The following DIP2C variants were observed in gnomAD, a reference collection of about 807,000 sequenced individuals.
The protein encoded by DIP2C is DIP2 acetate--CoA ligase C (putative).
A neutral mutation model predicts 192.4 loss-of-function variants in DIP2C; 33 were observed. That is an observed-to-expected ratio of 0.17 (90% CI 0.13 to 0.23). The LOEUF (loss-of-function observed/expected upper bound fraction) is 0.23. Ranked by LOEUF, DIP2C falls within the 10% of genes least tolerant of loss-of-function variation. DIP2C has a pLI of 1.00. For synonymous variants in DIP2C, 979 were observed against 864.1 expected (o/e 1.13, Z -2.33); for missense variants, 1,537 against 2,110.1 (o/e 0.73, Z 5.32).
At chr10:434,170 G>C (rs550081399) in intron 4 of DIP2C, among the ~76,000 whole-genome samples, 14 of 152,122 alleles carry the variant, frequency 9.2e-5, no homozygotes, top group Non-Finnish European at 1.8e-4. Context: ...TGTGTATATG[G>C]TATATACATA....
intron 14 of DIP2C, among the ~76,000 whole-genome samples, chr10:387,243 A>T (rs939732902): frequency 6.6e-6 from 1 of 152,176 alleles, no homozygotes; most frequent in African/African-American, 2.4e-5. Context: ...CTGTAACCTC[A>T]ATCCACGTGT....
intron 1 of DIP2C, among the ~76,000 whole-genome samples, chr10:624,586 G>A (rs910337098): frequency 6.6e-6 from 1 of 152,218 alleles, no homozygotes; most frequent in Admixed American, 6.5e-5. Context: ...GGGGGCCCGG[G>A]CAGCCCCTCT....
At chr10:343,243 C>G (rs186529557) in intron 28 of DIP2C, among the ~76,000 whole-genome samples, 3 of 152,298 alleles carry the variant, frequency 2.0e-5, no homozygotes, top group Middle Eastern at 3.4e-3. Context: ...GAGCTGAGAT[C>G]GCACCACTGC....
chr10:664,728 T>G (rs12267081), intron 1 of DIP2C: 175 of 152,336 alleles, frequency 1.1e-3, no homozygotes, highest in African/African-American at 4.1e-3. Flanking sequence ...TGAAATATTT[T>G]TGATATTTTA....
chr10:679,033 C>T (rs184482687), intron 1 of DIP2C, among the ~76,000 whole-genome samples: 6 of 13,500 alleles, frequency 4.4e-4, no homozygotes, highest in Admixed American at 1.2e-3. Context: ...CTGTCCTCCC[C>T]GCGCCCATGC....
At chr10:479,564 G>C (rs893461213) in intron 2 of DIP2C, among the ~76,000 whole-genome samples, 16 of 151,918 alleles carry the variant, frequency 1.1e-4, no homozygotes, top group African/African-American at 3.9e-4. Flanking sequence ...TTGAACTCTT[G>C]ACCTCATGAT....
At chr10:536,113 G>T (rs1317608373) in intron 1 of DIP2C, among the ~76,000 whole-genome samples, 1 of 152,106 alleles carries the variant, frequency 6.6e-6, no homozygotes. Context: ...CAAGGTGTGG[G>T]CAGGGCCGAG....
chr10:443,493 G>A (rs543084449), intron 3 of DIP2C, among the ~76,000 whole-genome samples: 18 of 152,242 alleles, frequency 1.2e-4, no homozygotes, highest in South Asian at 1.0e-3. Context: ...ACTAGGAACC[G>A]GGTGTGCTGT....
At chr10:403,751 C>T (rs528428137) in intron 9 of DIP2C, among the ~76,000 whole-genome samples, 225 of 150,950 alleles carry the variant, frequency 1.5e-3, no homozygotes, top group Admixed American at 0.014. Flanking sequence ...TTCATCAGCC[C>T]ATGAATCCTG....
chr10:578,786 C>A (rs902983319), intron 1 of DIP2C, among the ~76,000 whole-genome samples: 2 of 143,060 alleles, frequency 1.4e-5, no homozygotes, highest in Non-Finnish European at 2.9e-5. Context: ...AGTGTACAAG[C>A]ATAAGTGCAC....
intron 22 of DIP2C, among the ~76,000 whole-genome samples, chr10:360,610 G>T (rs1351168772): frequency 6.6e-6 from 1 of 152,216 alleles, no homozygotes; most frequent in Non-Finnish European, 1.5e-5. Context: ...GCCAGGCTCT[G>T]GCCTCAGCAG....
rs888264127 is a variant in DIP2C, at chr10:276,962, G to A, written c.*363C>T. On this transcript the variant is annotated 3_prime_UTR_variant, in exon 37 of 37. Coordinates refer to ENST00000280886, the MANE Select transcript of DIP2C (RefSeq NM_014974.3). ...AATTGTTTAAAAGAACCCATCTGGAGGGCAGGATATTTTTTTAATTGCTAT... is the reference window on the plus strand; with the variant it reads ...AATTGTTTAAAAGAACCCATCTGGAAGGCAGGATATTTTTTTAATTGCTAT... 9.3e-6 allele frequency: 2 copies of A among 215,284 alleles called. No individual in the cohort carries two copies. Among genetic ancestry groups the A allele is most frequent in the Non-Finnish European group, 1.9e-5 (2 of 106,512 alleles). The allele number at this position is 215,284 out of a possible 1,614,324, so 13.3% of individuals were successfully genotyped here.
chr10:483,131 G>C (rs1424423285), intron 2 of DIP2C, among the ~76,000 whole-genome samples: 4 of 152,204 alleles, frequency 2.6e-5, no homozygotes, highest in East Asian at 1.9e-4. Context: ...CTAGGGAACA[G>C]AACCCCCATT....
chr10:551,489 C>T (rs1176863291), intron 1 of DIP2C, among the ~76,000 whole-genome samples: 2 of 141,424 alleles, frequency 1.4e-5, no homozygotes, highest in Non-Finnish European at 3.0e-5. Context: ...CAGCTGGAAG[C>T]AGGATCCCAA....
At chr10:535,698 A>ACTGT (rs1847657404) in intron 1 of DIP2C, among the ~76,000 whole-genome samples, 2 of 152,160 alleles carry the variant, frequency 1.3e-5, no homozygotes, top group Admixed American at 6.5e-5. Flanking sequence ...GTCTGATCAT[A>ACTGT]AAAACTGTAT....
intron 3 of DIP2C, among the ~76,000 whole-genome samples, chr10:450,038 T>G (rs921607797): frequency 1.3e-5 from 2 of 151,984 alleles, no homozygotes; most frequent in Non-Finnish European, 2.9e-5. Context: ...AATCTCACCA[T>G]CTCGAATGGG....
intron 32 of DIP2C, among the ~76,000 whole-genome samples, chr10:293,936 T>C (rs1955616154): frequency 6.6e-6 from 1 of 152,130 alleles, no homozygotes; most frequent in African/African-American, 2.4e-5. Context: ...CAGAAACAGA[T>C]ACCAATCACC....
intron 1 of DIP2C, among the ~76,000 whole-genome samples, chr10:633,598 C>T (rs1258136501): frequency 1.3e-5 from 2 of 152,224 alleles, no homozygotes; most frequent in Non-Finnish European, 2.9e-5. Context: ...ACTGCAGCAC[C>T]TCCAGGAACA....
intron 9 of DIP2C, among the ~76,000 whole-genome samples, chr10:408,065 T>G (rs1442682949): frequency 6.6e-6 from 1 of 152,188 alleles, no homozygotes; most frequent in Non-Finnish European, 1.5e-5. Context: ...TTCTTCTAGG[T>G]TTTGGCTTTA....
Sources: gnomAD v4.1 joint callset for allele counts (sites outside exome capture counted in the v4.1 genomes callset) on GRCh38, gnomAD v4.1.1 for gene constraint, MANE v1.5 for transcripts, NCBI Gene and HGNC (gene_info 2026-07-23, HGNC 2026-07-21) for gene names.